RHPN2: variants seen among roughly 807,000 people sequenced by gnomAD.
RHPN2 encodes rhophilin Rho GTPase binding protein 2.
Under a neutral mutation model 79.0 loss-of-function variants are expected in RHPN2, and 40 were observed. That is an observed-to-expected ratio of 0.51 (90% CI 0.39 to 0.66). The LOEUF (loss-of-function observed/expected upper bound fraction) is 0.66, where lower values mean the gene tolerates loss of function less well. RHPN2 is among the 30% of genes least tolerant of loss of function. The pLI is 0.00. For missense variants in RHPN2, 686 were observed against 883.5 expected (o/e 0.78, Z 2.83); for synonymous variants, 285 against 363.5 (o/e 0.78, Z 2.46).
At chr19:32,998,112 G>A (rs917306405) in intron 10 of RHPN2, among the ~76,000 whole-genome samples, 4 of 152,158 alleles carry the variant, frequency 2.6e-5, no homozygotes, top group South Asian at 2.1e-4. Flanking sequence ...AGGAAAACCC[G>A]CTATGAGCAG....
intron 1 of RHPN2, among the ~76,000 whole-genome samples, chr19:33,047,455 A>G (rs1161234767): frequency 6.6e-6 from 1 of 152,136 alleles, no homozygotes; most frequent in Non-Finnish European, 1.5e-5. Context: ...TGTTCTTCCC[A>G]CCCCAGACAG....
chr19:33,045,775 C>T (rs1361069280), intron 1 of RHPN2, among the ~76,000 whole-genome samples: 3 of 152,078 alleles, frequency 2.0e-5, no homozygotes, highest in Admixed American at 6.6e-5. Flanking sequence ...CGCCCATCAA[C>T]CACTATCTGA....
At position 33,010,604 on chromosome 19, in the gene RHPN2, C is replaced by T. The variant is rs192816847; in HGVS notation, c.593+1075G>A. Among the ~76,000 whole-genome samples, 619 of 152,128 alleles carry T rather than the reference C, an allele frequency of 4.1e-3. 2 individuals are homozygous for T. The highest frequency in any genetic ancestry group is 0.014 in the African/African-American group (574 of 41,500). ...TTCACCATATTGGACAGGCTGGTCT[C>T]GAACTCCTGACCTCGTGATCTGCCT... On this transcript the variant is annotated intron_variant, in intron 6 of 14. Transcript: ENST00000254260.
intron 3 of RHPN2, among the ~76,000 whole-genome samples, chr19:33,023,025 C>A (rs890287463): frequency 2.6e-5 from 4 of 152,168 alleles, no homozygotes; most frequent in African/African-American, 9.7e-5. Context: ...CCTCTAGGTG[C>A]CTTCTGGCCT....
chr19:32,982,087 A>G (rs946955049), intron 14 of RHPN2, among the ~76,000 whole-genome samples: 1 of 152,116 alleles, frequency 6.6e-6, no homozygotes, highest in Admixed American at 6.6e-5. Flanking sequence ...TATCGCTGCA[A>G]TAGTTGAGGA....
At chr19:32,993,044 G>T (rs1202352512) in intron 12 of RHPN2, among the ~76,000 whole-genome samples, 2 of 152,066 alleles carry the variant, frequency 1.3e-5, no homozygotes, top group East Asian at 3.8e-4. Flanking sequence ...CTTGAGCCCA[G>T]AAGGTTCAGG....
At chr19:32,984,988 C>A (rs927510195) in intron 14 of RHPN2, among the ~76,000 whole-genome samples, 12 of 150,358 alleles carry the variant, frequency 8.0e-5, no homozygotes, top group African/African-American at 2.9e-4. Flanking sequence ...CGCCTATAGT[C>A]CCAGCTACTT....
At chr19:33,010,823 C>A (rs370683487) in intron 6 of RHPN2, among the ~76,000 whole-genome samples, 1 of 152,046 alleles carries the variant, frequency 6.6e-6, no homozygotes, top group Non-Finnish European at 1.5e-5. Context: ...CTGGGACTAA[C>A]AGGTGCATAC....
intron 9 of RHPN2, 108 bp downstream of exon 9, chr19:33,002,139 C>T: frequency 7.3e-7 from 1 of 1,361,604 alleles, no homozygotes; most frequent in Non-Finnish European, 1.0e-6. Flanking sequence ...CTGCCTTCAG[C>T]CTGTGAGCAT....
At chr19:33,031,411 C>T (rs1440453352) in intron 2 of RHPN2, among the ~76,000 whole-genome samples, 10 of 151,968 alleles carry the variant, frequency 6.6e-5, no homozygotes, top group Non-Finnish European at 1.5e-4. Context: ...AGGCATGCAC[C>T]ACCACACCCG....
At position 32,980,174 on chromosome 19, in the gene RHPN2, G is replaced by A. The variant is rs1971562409; in HGVS notation, c.1883C>T (p.Thr628Ile). Residue 628 changes from threonine to isoleucine, a missense_variant, in exon 15 of 15, where the codon ACT becomes ATT. Thr to Ile is a moderately conservative substitution (Grantham distance 89). Coordinates refer to ENST00000254260, the MANE Select transcript of RHPN2 (RefSeq NM_033103.5). ...ICLAIDDDDK[T>I]DKTKKISKKL... is the part of the protein sequence containing the mutation. ...CTTGGAGATTTTCTTGGTTTTATCAGTTTTGTCGTCATCATCAATGGCTAA... is the reference window on the plus strand; with the variant it reads ...CTTGGAGATTTTCTTGGTTTTATCAATTTTGTCGTCATCATCAATGGCTAA... 2.5e-6 allele frequency: 4 copies of A among 1,613,784 alleles called. No individual in the cohort carries two copies. Among genetic ancestry groups the A allele is most frequent in the Non-Finnish European group, 3.4e-6 (4 of 1,179,862 alleles).
intron 1 of RHPN2, among the ~76,000 whole-genome samples, chr19:33,054,975 C>T (rs12462935): frequency 0.16 from 24,105 of 152,138 alleles, 2,097 homozygotes; most frequent in East Asian, 0.36. Context: ...GTCAGGCAGA[C>T]CCTCGGGGCT....
intron 1 of RHPN2, among the ~76,000 whole-genome samples, chr19:33,050,352 C>G (rs974560612): frequency 1.3e-5 from 2 of 152,120 alleles, no homozygotes; most frequent in Non-Finnish European, 2.9e-5. Context: ...TTACAGCAAC[C>G]AATTCATTCC....
chr19:33,023,912 C>T (rs1167324837), intron 3 of RHPN2, among the ~76,000 whole-genome samples: 1 of 152,178 alleles, frequency 6.6e-6, no homozygotes, highest in African/African-American at 2.4e-5. Context: ...CTCTAGAGCC[C>T]AGGGACCAAT....
rs767530673 is a variant in RHPN2 at position 32,980,026 on chromosome 19, G to A, written c.2031C>T (p.Ser677=). 1.9e-6 allele frequency: 3 copies of A among 1,613,828 alleles called. No individual in the cohort carries two copies. The highest frequency in any genetic ancestry group is 1.7e-5 in the Admixed American group (1 of 59,986). ...QVKKKLPSPF[S]LLNSDSSWY ...ACCAAGAACTGTCTGAGTTGAGAAG[G>A]CTGAAAGGGGAGGGCAGCTTCTTCT... The change falls in exon 15 of 15, where the codon AGC becomes AGT. Residue 677 remains serine, a synonymous_variant. Coordinates refer to ENST00000254260, the MANE Select transcript of RHPN2 (RefSeq NM_033103.5).
intron 3 of RHPN2, 99 bp from the exon 4 acceptor site, chr19:33,021,745 C>T: frequency 1.2e-6 from 1 of 827,920 alleles, no homozygotes; most frequent in Non-Finnish European, 2.1e-6. Flanking sequence ...GTGTGTGCCC[C>T]CTCCTTACCC....
At chr19:33,041,542 A>G (rs1972100428) in intron 2 of RHPN2, among the ~76,000 whole-genome samples, 1 of 152,050 alleles carries the variant, frequency 6.6e-6, no homozygotes. Context: ...CAACCCAACC[A>G]CTGCCAGTTT....
chr19:33,021,526 T>C, intron 4 of RHPN2, 45 bp downstream of exon 4: 1 of 1,510,930 alleles, frequency 6.6e-7, no homozygotes, highest in Non-Finnish European at 9.2e-7. Flanking sequence ...ATGGCCTATT[T>C]CCATTTTAAA....
At chr19:33,027,947 G>T (rs886949770) in intron 2 of RHPN2, among the ~76,000 whole-genome samples, 2 of 152,080 alleles carry the variant, frequency 1.3e-5, no homozygotes, top group African/African-American at 4.8e-5. Context: ...CCAGGAACAA[G>T]GCAAAGATGC....
Sources: gnomAD v4.1 joint callset for allele counts (sites outside exome capture counted in the v4.1 genomes callset) on GRCh38, gnomAD v4.1.1 for gene constraint, MANE v1.5 for transcripts, NCBI Gene and HGNC (gene_info 2026-07-23, HGNC 2026-07-21) for gene names.